Variants in AP1G1 observed in about 807,000 individuals in gnomAD.
AP1G1 encodes the protein adaptor related protein complex 1 subunit gamma 1, also known as AP-1 complex subunit gamma-1.
Under a neutral mutation model 108.3 loss-of-function variants are expected in AP1G1, and 7 were observed. The observed-to-expected ratio is 0.06, with a 90% CI of 0.04 to 0.12. The LOEUF (loss-of-function observed/expected upper bound fraction) is 0.12. AP1G1 is among the 10% of genes least tolerant of loss of function. The pLI is 1.00. For synonymous variants in AP1G1, 379 were observed against 353.5 expected (o/e 1.07, Z -0.81); for missense variants, 756 against 1,010.7 (o/e 0.75, Z 3.42).
At chr16:71,748,119 T>C in intron 16 of AP1G1, 132 bp downstream of exon 16, 1 of 918,092 alleles carries the variant, frequency 1.1e-6, no homozygotes, top group Non-Finnish European at 1.6e-6. Context: ...AAATAAGTAA[T>C]GGAAATTTGT....
intron 2 of AP1G1, among the ~76,000 whole-genome samples, chr16:71,781,528 A>T (rs1370933225): frequency 6.6e-6 from 1 of 152,202 alleles, no homozygotes; most frequent in Admixed American, 6.5e-5. Flanking sequence ...ACTGCTGCTC[A>T]TGACTGCCAT....
chr16:71,756,260 G>A, intron 11 of AP1G1, 101 bp from the exon 12 acceptor site: 1 of 1,095,570 alleles, frequency 9.1e-7, no homozygotes, highest in Non-Finnish European at 1.3e-6. Context: ...TGCCAGATGT[G>A]CTGACGTCCT....
chr16:71,742,392 C>T (rs1423077547), intron 19 of AP1G1: 1 of 151,952 alleles, frequency 6.6e-6, no homozygotes, highest in Non-Finnish European at 1.5e-5. Context: ...CAAATTTTCA[C>T]CCAATAGGGC....
intron 2 of AP1G1, among the ~76,000 whole-genome samples, chr16:71,782,200 G>A (rs186699000): frequency 6.2e-4 from 94 of 152,214 alleles, no homozygotes; most frequent in Non-Finnish European, 1.1e-3. Flanking sequence ...GTCTCACTCT[G>A]CCAACCAGGA....
At chr16:71,756,904 C>T (rs1451211530) in intron 11 of AP1G1, among the ~76,000 whole-genome samples, 1 of 144,788 alleles carries the variant, frequency 6.9e-6, no homozygotes, top group African/African-American at 2.6e-5. Context: ...GCACTCCAGC[C>T]TCGGAAACAG....
At chr16:71,807,845 G>A (rs1003454125) in intron 1 of AP1G1, 150 of 1,288,752 alleles carry the variant, frequency 1.2e-4, no homozygotes, top group Non-Finnish European at 1.5e-4. Context: ...CGTGCTCAGG[G>A]ATATATAATA....
intron 5 of AP1G1, among the ~76,000 whole-genome samples, chr16:71,770,461 G>T (rs1422293473): frequency 1.3e-5 from 2 of 152,202 alleles, no homozygotes; most frequent in Non-Finnish European, 2.9e-5. Context: ...GCTTCTGTCA[G>T]AAATAACCCA....
intron 1 of AP1G1, 161 bp downstream of exon 1, chr16:71,808,602 G>A (rs1253363293): frequency 2.3e-6 from 3 of 1,289,440 alleles, no homozygotes; most frequent in Non-Finnish European, 1.0e-6. Context: ...CAGCCCCTGG[G>A]GCTCCCGGCC....
At chr16:71,778,510 C>T (rs1455154619) in intron 2 of AP1G1, among the ~76,000 whole-genome samples, 1 of 152,066 alleles carries the variant, frequency 6.6e-6, no homozygotes, top group Non-Finnish European at 1.5e-5. Flanking sequence ...CGGTGAAACC[C>T]TGTCTCTACT....
intron 13 of AP1G1, chr16:71,751,401 T>G (rs73582231): frequency 1.4e-5 from 2 of 144,876 alleles, no homozygotes; most frequent in African/African-American, 5.1e-5. Context: ...CATTCCTAAA[T>G]AGAACAATAG....
chr16:71,743,055 A>T (rs1444187244), intron 19 of AP1G1: 2 of 152,166 alleles, frequency 1.3e-5, no homozygotes, highest in Non-Finnish European at 2.9e-5. Flanking sequence ...AGTATTAGTC[A>T]CCTAAAATTA....
chr16:71,799,222 C>T (rs1256998728), intron 1 of AP1G1, among the ~76,000 whole-genome samples: 2 of 151,976 alleles, frequency 1.3e-5, no homozygotes, highest in Non-Finnish European at 2.9e-5. Context: ...ATTATGATAA[C>T]CTATTTAGAG....
At chr16:71,756,289 C>G in intron 11 of AP1G1, 130 bp from the exon 12 acceptor site, 1 of 693,478 alleles carries the variant, frequency 1.4e-6, no homozygotes, top group South Asian at 2.9e-5. Flanking sequence ...CTTGTGATCC[C>G]AATCTTTGCA....
At chr16:71,796,646 G>C (rs2032594212) in intron 1 of AP1G1, among the ~76,000 whole-genome samples, 1 of 152,124 alleles carries the variant, frequency 6.6e-6, no homozygotes, top group Non-Finnish European at 1.5e-5. Context: ...CTAAAGAATA[G>C]GCTGTGGAAT....
At chr16:71,792,387 G>A (rs1050032932) in intron 1 of AP1G1, among the ~76,000 whole-genome samples, 6 of 152,020 alleles carry the variant, frequency 3.9e-5, no homozygotes, top group Non-Finnish European at 5.9e-5. Flanking sequence ...AAATCTTCAG[G>A]AATTTTTACT....
chr16:71,759,676 C>T (rs924369499), intron 10 of AP1G1, among the ~76,000 whole-genome samples: 1 of 151,648 alleles, frequency 6.6e-6, no homozygotes, highest in Non-Finnish European at 1.5e-5. Context: ...AGGAGAATGG[C>T]GTGAACCCAG....
intron 13 of AP1G1, among the ~76,000 whole-genome samples, chr16:71,750,635 C>T (rs1194126597): frequency 6.6e-6 from 1 of 151,588 alleles, no homozygotes; most frequent in Admixed American, 6.6e-5. Context: ...AGGGTGGTCT[C>T]GAACTCCTGA....
intron 3 of AP1G1, among the ~76,000 whole-genome samples, chr16:71,773,956 A>C (rs561788998): frequency 6.6e-6 from 1 of 151,204 alleles, no homozygotes; most frequent in African/African-American, 2.4e-5. Flanking sequence ...TTTTAGTAGA[A>C]ACGGGGTTTC....
At chr16:71,743,050 T>G (rs533459462) in intron 19 of AP1G1, 1 of 152,260 alleles carries the variant, frequency 6.6e-6, no homozygotes, top group African/African-American at 2.4e-5. Flanking sequence ...GATAAAGTAT[T>G]AGTCACCTAA....
Sources: allele counts gnomAD v4.1 joint callset (sites outside exome capture counted in the v4.1 genomes callset), GRCh38; gene constraint gnomAD v4.1.1; transcripts MANE v1.5; gene names NCBI Gene and HGNC (gene_info 2026-07-23, HGNC 2026-07-21).